Variants in MAK observed in about 807,000 individuals in gnomAD.
MAK encodes the protein serine/threonine-protein kinase MAK.
Under a neutral mutation model 82.6 loss-of-function variants are expected in MAK, and 65 were observed. The observed-to-expected ratio is 0.79, with a 90% CI of 0.64 to 0.97. The LOEUF is 0.97. Ranked by LOEUF, MAK falls within the 50% of genes least tolerant of loss-of-function variation. MAK has a pLI of 0.00. For synonymous variants in MAK, 250 were observed against 274.2 expected (o/e 0.91, Z 0.87); for missense variants, 703 against 780.2 (o/e 0.90, Z 1.18).
intron 10 of MAK, among the ~76,000 whole-genome samples, chr6:10,789,576 G>A (rs532961021): frequency 5.3e-5 from 8 of 152,276 alleles, no homozygotes; most frequent in African/African-American, 1.9e-4. Context: ...GGCACAGCAA[G>A]AGATTAACAT....
intron 2 of MAK, among the ~76,000 whole-genome samples, chr6:10,826,772 A>G (rs138425419): frequency 5.9e-5 from 9 of 152,316 alleles, no homozygotes; most frequent in Non-Finnish European, 1.2e-4. Flanking sequence ...AAGAAACCCT[A>G]TGCATTCTGG....
At chr6:10,784,840 T>C in intron 10 of MAK, 1 of 596,772 alleles carries the variant, frequency 1.7e-6, no homozygotes, top group East Asian at 3.7e-5. Flanking sequence ...CATGTTTCTA[T>C]CTGTCCTGCA....
At position 10,763,406 on chromosome 6, in the gene MAK, A is replaced by G. The variant is rs1251050089; in HGVS notation, c.*1046T>C. The G allele has an allele frequency of 6.6e-6, 1 of 152,210 alleles. No homozygotes were observed. Among genetic ancestry groups the G allele is most frequent in the African/African-American group, 2.4e-5 (1 of 41,448 alleles). 9.4% of individuals were successfully genotyped at this position (152,210 alleles called of 1,614,324 possible). On this transcript the variant is annotated 3_prime_UTR_variant, in exon 15 of 15. Coordinates refer to ENST00000354489, the MANE Select transcript of MAK (RefSeq NM_001242957.3). ...CCAAGAGAACCTTGACTTGGTTACT[A>G]TTGAAGTCATCAAGCCATTGGGCTT...
At chr6:10,764,648 G>A in intron 14 of MAK, 42 bp from the exon 15 acceptor site, 1 of 1,566,876 alleles carries the variant, frequency 6.4e-7, no homozygotes, top group Non-Finnish European at 8.8e-7. Context: ...TTACTCATTT[G>A]CTTATCAAAC....
intron 2 of MAK, among the ~76,000 whole-genome samples, chr6:10,820,928 T>C (rs907178030): frequency 1.3e-5 from 2 of 152,202 alleles, no homozygotes; most frequent in Non-Finnish European, 2.9e-5. Flanking sequence ...ACTGCACATA[T>C]AATCTGCTAT....
chr6:10,796,263 G>A lies in MAK; in HGVS notation c.878C>T (p.Ser293Leu), dbSNP rs773485283. ...CTGTTTTGATTCCAGATGATTTGAC[G>A]AAGGGCCTAATACCTGACCAACTTG... ...YFQVGQVLGP[S>L]SNHLESKQSL... The change falls in exon 9 of 15, where the codon TCG becomes TTG. Residue 293 changes from serine (S) to leucine (L), a missense_variant. Physicochemically the swap from Ser to Leu is moderately radical, Grantham distance 145. Transcript: ENST00000354489. 2.3e-5 allele frequency: 37 copies of A among 1,613,878 alleles called. No homozygotes were observed. In the East Asian group the frequency reaches 3.6e-4, roughly 16 times the overall value.
chr6:10,833,483 T>C (rs1333378284), intron 1 of MAK, among the ~76,000 whole-genome samples: 1 of 152,122 alleles, frequency 6.6e-6, no homozygotes, highest in East Asian at 1.9e-4. Context: ...CGCAGGCCTG[T>C]AGCCCTAGTT....
At chr6:10,801,654 G>T (rs1322171523) in intron 8 of MAK, among the ~76,000 whole-genome samples, 1 of 152,182 alleles carries the variant, frequency 6.6e-6, no homozygotes, top group African/African-American at 2.4e-5. Flanking sequence ...CAACCTCAGG[G>T]TTCTTCATTT....
intron 11 of MAK, among the ~76,000 whole-genome samples, chr6:10,781,544 C>T (rs563232206): frequency 6.6e-6 from 1 of 151,884 alleles, no homozygotes; most frequent in Admixed American, 6.6e-5. Context: ...CTGCCTCACC[C>T]TCCTGAGTAG....
chr6:10,825,500 A>G (rs1778296947), intron 2 of MAK, among the ~76,000 whole-genome samples: 1 of 151,428 alleles, frequency 6.6e-6, no homozygotes, highest in African/African-American at 2.4e-5. Flanking sequence ...TCTCCCTCTA[A>G]AGAGTTTCAA....
chr6:10,770,619 C>CT (rs1772917116), intron 13 of MAK, among the ~76,000 whole-genome samples: 1 of 152,296 alleles, frequency 6.6e-6, no homozygotes, highest in South Asian at 2.1e-4. Context: ...CTCTCTGTGT[C>CT]TGTCTTCATT....
At chr6:10,775,591 T>C (rs779463452) in intron 11 of MAK, 132 bp from the exon 12 acceptor site, 23 of 997,222 alleles carry the variant, frequency 2.3e-5, no homozygotes, top group African/African-American at 4.8e-5. Flanking sequence ...GGTGAAAATG[T>C]AGCAGATACT....
In MAK at chr6:10,800,293, A is replaced by G. The variant is rs1581706688; in HGVS notation, c.831+1599T>C. Among the ~76,000 whole-genome samples, 1 of 152,112 alleles carries G rather than the reference A, an allele frequency of 6.6e-6. No homozygotes were observed. The highest frequency in any genetic ancestry group is 2.1e-4 in the South Asian group (1 of 4,826). ...AAAAGAAAATACACATACACATTTC[A>G]GTATTTTTCTTGTGTTTCTGTAGGA... On this transcript the variant is annotated intron_variant, in intron 8 of 14. Coordinates refer to ENST00000354489, the MANE Select transcript of MAK (RefSeq NM_001242957.3). This position sits in a 1 kb window ranked among gnomAD's most constrained non-coding sequence, Gnocchi z 4.2.
chr6:10,836,382 G>A (rs903695106), intron 1 of MAK, among the ~76,000 whole-genome samples: 5 of 152,136 alleles, frequency 3.3e-5, no homozygotes, highest in African/African-American at 7.2e-5. Context: ...AGGGTGAGAC[G>A]CTGATCATTG....
chr6:10,830,239 C>A (rs900230833), intron 2 of MAK, among the ~76,000 whole-genome samples: 3 of 151,544 alleles, frequency 2.0e-5, no homozygotes, highest in African/African-American at 7.3e-5. Context: ...GATCTCAGCT[C>A]ACTGCAACTT....
At chr6:10,805,070 C>CGGGGGGGGGGGGGGGGGGG (rs60993333) in intron 6 of MAK, among the ~76,000 whole-genome samples, 1 of 100,220 alleles carries the variant, frequency 1.0e-5, no homozygotes, top group African/African-American at 4.3e-5. Context: ...ATGTGTGTGT[C>CGGGGGGGGGGGGGGGGGGG]GGGGGGGGGG....
At chr6:10,827,087 G>A (rs971451390) in intron 2 of MAK, among the ~76,000 whole-genome samples, 2 of 152,112 alleles carry the variant, frequency 1.3e-5, no homozygotes, top group African/African-American at 4.8e-5. Context: ...CTCCAGCCTG[G>A]CAACAGAGCA....
chr6:10,774,873 TAG>T (rs1353416337), intron 12 of MAK, among the ~76,000 whole-genome samples: 2 of 152,242 alleles, frequency 1.3e-5, no homozygotes, highest in Admixed American at 1.3e-4. Flanking sequence ...CTTTTCAGAA[TAG>T]AAACTCCTTG....
At chr6:10,782,228 A>G (rs1006169118) in intron 11 of MAK, among the ~76,000 whole-genome samples, 4 of 146,244 alleles carry the variant, frequency 2.7e-5, no homozygotes, top group African/African-American at 1.1e-4. Context: ...ACACACACAC[A>G]CACACACACA....
Sources: gnomAD v4.1 joint callset for allele counts (sites outside exome capture counted in the v4.1 genomes callset) on GRCh38, gnomAD v4.1.1 for gene constraint, Gnocchi (gnomAD v3.1) non-coding constraint, MANE v1.5 for transcripts, NCBI Gene and HGNC (gene_info 2026-07-23, HGNC 2026-07-21) for gene names.